The following DCAF8L2 variants were observed in gnomAD, a reference collection of about 807,000 sequenced individuals.
DCAF8L2 encodes the protein DDB1- and CUL4-associated factor 8-like protein 2.
For synonymous variants in DCAF8L2, 200 were observed against 190.9 expected (o/e 1.05, Z -0.39); for missense variants, 430 against 490.7 (o/e 0.88, Z 1.17).
Position 27,748,561 on chromosome X carries a change from G to A in DCAF8L2, c.1666G>A (p.Val556Met). 2.5e-6 allele frequency: 3 copies of A among 1,210,881 alleles called. No homozygotes were observed. The highest frequency in any genetic ancestry group is 3.4e-6 in the Non-Finnish European group (3 of 894,853). The change falls in exon 5 of 5, where the codon GTG (valine) becomes ATG (methionine). Residue 556 changes from valine (V) to methionine (M), a missense_variant. Coordinates refer to ENST00000451261, the MANE Select transcript of DCAF8L2 (RefSeq NM_001353450.2). ...CACTGAGCTTACTGGGTTAAAGAAG[G>A]TGATTAAGAAGAACAAGTGGGAACG... ...AATELTGLKK[V>M]IKKNKWERDE...
At chrX:27,522,084 G>C in the DCAF8L2 span, among the ~76,000 whole-genome samples, 1 of 112,515 alleles carries the variant, frequency 8.9e-6, no homozygotes, top group Non-Finnish European at 1.9e-5. Context: ...CTGAAGTGCA[G>C]TGGCGCGATC....
At chrX:27,489,852 T>G in the DCAF8L2 span, among the ~76,000 whole-genome samples, 1 of 111,985 alleles carries the variant, frequency 8.9e-6, no homozygotes, top group Non-Finnish European at 1.9e-5. Flanking sequence ...GCAAAAATGT[T>G]ATATTCCTTT....
At chrX:27,662,260 A>T (rs1428513199) in intron 2 of DCAF8L2, among the ~76,000 whole-genome samples, 2 of 111,518 alleles carry the variant, frequency 1.8e-5, no homozygotes, top group Non-Finnish European at 3.8e-5. Flanking sequence ...CATAGGGATA[A>T]ATATGAAACA....
chrX:27,728,316 CTTG>C (rs60828124), intron 4 of DCAF8L2, among the ~76,000 whole-genome samples: 22 of 109,752 alleles, frequency 2.0e-4, no homozygotes, highest in Non-Finnish European at 3.0e-4. Flanking sequence ...AATTCAATGT[CTTG>C]TTGTTGTTGT....
chrX:27,474,901 G>C, the DCAF8L2 span, among the ~76,000 whole-genome samples: 1 of 110,648 alleles, frequency 9.0e-6, no homozygotes, highest in Admixed American at 9.7e-5. Flanking sequence ...AAGTGAAGGC[G>C]GTAAAGGAGA....
intron 2 of DCAF8L2, among the ~76,000 whole-genome samples, chrX:27,643,470 A>G (rs990448872): frequency 1.8e-5 from 2 of 110,982 alleles, no homozygotes; most frequent in African/African-American, 3.3e-5. Flanking sequence ...TTGATGTCGT[A>G]GTGGTCAGAA....
intron 4 of DCAF8L2, among the ~76,000 whole-genome samples, chrX:27,719,547 C>T (rs973687692): frequency 1.5e-4 from 16 of 104,939 alleles, no homozygotes; most frequent in Admixed American, 3.2e-4. Context: ...TGGGTTCAAG[C>T]GATTCTCCTG....
At chrX:27,578,721 C>T in the DCAF8L2 span, among the ~76,000 whole-genome samples, 2 of 110,672 alleles carry the variant, frequency 1.8e-5, no homozygotes, top group African/African-American at 6.6e-5. Context: ...AAAAAAACAA[C>T]CCCATTAAAA....
the DCAF8L2 span, among the ~76,000 whole-genome samples, chrX:27,475,744 C>G: frequency 1.8e-5 from 2 of 111,896 alleles, no homozygotes; most frequent in Non-Finnish European, 3.8e-5. Flanking sequence ...GCTCAACTAA[C>G]GAAATTAATT....
intron 4 of DCAF8L2, among the ~76,000 whole-genome samples, chrX:27,732,132 T>C (rs927763870): frequency 1.8e-5 from 2 of 111,779 alleles, no homozygotes; most frequent in East Asian, 2.8e-4. Flanking sequence ...TTACCCTTAT[T>C]TGTGATAAGA....
At chrX:27,745,651 T>G (rs1045552109) in intron 4 of DCAF8L2, among the ~76,000 whole-genome samples, 4 of 112,152 alleles carry the variant, frequency 3.6e-5, no homozygotes, top group Non-Finnish European at 5.6e-5. Context: ...TTTAATCAAT[T>G]TTGCATTTAT....
chrX:27,700,794 A>G (rs950349245), intron 3 of DCAF8L2, among the ~76,000 whole-genome samples: 11 of 111,313 alleles, frequency 9.9e-5, no homozygotes, highest in Non-Finnish European at 1.9e-4. Flanking sequence ...CACATTGCCA[A>G]ACGTTCTGCA....
At chrX:27,571,753 A>G in the DCAF8L2 span, among the ~76,000 whole-genome samples, 2 of 111,408 alleles carry the variant, frequency 1.8e-5, no homozygotes, top group African/African-American at 3.3e-5. Context: ...GAGCTGCCAT[A>G]ATAAGAAATC....
intron 4 of DCAF8L2, among the ~76,000 whole-genome samples, chrX:27,732,196 A>G (rs1158717957): frequency 9.0e-6 from 1 of 111,452 alleles, no homozygotes; most frequent in African/African-American, 3.3e-5. Context: ...CAATGTTACC[A>G]ACTATAGTCT....
At chrX:27,502,323 A>G in the DCAF8L2 span, among the ~76,000 whole-genome samples, 7 of 27,735 alleles carry the variant, frequency 2.5e-4, no homozygotes, top group Middle Eastern at 0.016. Context: ...TCTGTAAAAA[A>G]AAAAAAAAAA....
intron 1 of DCAF8L2, among the ~76,000 whole-genome samples, chrX:27,622,615 C>T (rs774573922): frequency 9.0e-6 from 1 of 110,855 alleles, no homozygotes; most frequent in African/African-American, 3.3e-5. Flanking sequence ...ATATTTCCCA[C>T]TAACATAATG....
At chrX:27,488,240 A>G in the DCAF8L2 span, among the ~76,000 whole-genome samples, 1 of 110,819 alleles carries the variant, frequency 9.0e-6, no homozygotes, top group East Asian at 2.8e-4. Context: ...TTCCCCTCCT[A>G]AAAAATGGTA....
At chrX:27,642,709 T>G (rs1305839355) in intron 2 of DCAF8L2, among the ~76,000 whole-genome samples, 1 of 112,289 alleles carries the variant, frequency 8.9e-6, no homozygotes, top group Non-Finnish European at 1.9e-5. Context: ...TGTACATTTA[T>G]ATCCCCTAAA....
At chrX:27,601,667 T>G (rs1207285433) in intron 1 of DCAF8L2, among the ~76,000 whole-genome samples, 2 of 107,003 alleles carry the variant, frequency 1.9e-5, no homozygotes, top group African/African-American at 6.9e-5. Flanking sequence ...GCCACTGCAC[T>G]CCAGCCTGGG....
Sources: gnomAD v4.1 joint callset for allele counts (sites outside exome capture counted in the v4.1 genomes callset) on GRCh38, gnomAD v4.1.1 for gene constraint, MANE v1.5 for transcripts, NCBI Gene and HGNC (gene_info 2026-07-23, HGNC 2026-07-21) for gene names.